The following ZNF644 variants were observed in gnomAD, a reference collection of about 807,000 sequenced individuals.
The protein encoded by ZNF644 is zinc finger motif enhancer binding protein 2.
Under a neutral mutation model 108.0 loss-of-function variants are expected in ZNF644, and 20 were observed. The observed-to-expected ratio is 0.19, with a 90% CI of 0.13 to 0.27. The LOEUF (loss-of-function observed/expected upper bound fraction) is 0.27. Among genes scored for constraint, ZNF644 ranks in the 10% least tolerant of loss-of-function variants. ZNF644 has a pLI of 1.00. For synonymous variants in ZNF644, 542 were observed against 539.1 expected, an observed-to-expected ratio of 1.01 and a Z score of -0.08; for missense variants, 1,338 against 1,548.9, an observed-to-expected ratio of 0.86 and a Z score of 2.29.
At position 90,937,948 on chromosome 1, in the gene ZNF644, T is replaced by A; in HGVS notation, c.3225A>T (p.Pro1075=). The change falls in exon 4 of 6, where the codon CCA becomes CCT. Residue 1075 remains proline, a synonymous_variant. Transcript: ENST00000337393. The part of the protein sequence containing the change: ...GKTKWDAHKS[P]ICVLNEMMQN... ...GCATCATCTCATTCAGAACACAGATTGGAGATTTGTGAGCATCCCATTTCG... is the reference window on the plus strand; with the variant it reads ...GCATCATCTCATTCAGAACACAGATAGGAGATTTGTGAGCATCCCATTTCG... The A allele has an allele frequency of 6.2e-7, 1 of 1,613,362 alleles. No individual in the cohort carries two copies. The highest frequency in any genetic ancestry group is 1.3e-5 in the African/African-American group (1 of 75,014).
chr1:90,991,298 G>A (rs529164100), intron 1 of ZNF644, among the ~76,000 whole-genome samples: 2 of 152,022 alleles, frequency 1.3e-5, no homozygotes, highest in East Asian at 3.9e-4. Flanking sequence ...GTGAACAAGT[G>A]GAGGAACTAA....
At chr1:90,992,415 T>C (rs986309754) in intron 1 of ZNF644, among the ~76,000 whole-genome samples, 24 of 149,716 alleles carry the variant, frequency 1.6e-4, no homozygotes, top group African/African-American at 5.9e-4. Context: ...AAAAAAGATA[T>C]AAATGAATCA....
intron 2 of ZNF644, among the ~76,000 whole-genome samples, chr1:90,967,202 T>C (rs1290021196): frequency 6.6e-6 from 1 of 152,140 alleles, no homozygotes; most frequent in Non-Finnish European, 1.5e-5. Flanking sequence ...CATGTTCCTC[T>C]TCACCATAGG....
At chr1:91,019,297 T>G (rs527465011) in intron 1 of ZNF644, among the ~76,000 whole-genome samples, 16 of 152,316 alleles carry the variant, frequency 1.1e-4, no homozygotes, top group Non-Finnish European at 1.9e-4. Flanking sequence ...TATTACAAAA[T>G]GAAAGACACC....
intron 4 of ZNF644, among the ~76,000 whole-genome samples, chr1:90,931,449 A>G (rs1650718409): frequency 6.6e-6 from 1 of 151,836 alleles, no homozygotes; most frequent in Non-Finnish European, 1.5e-5. Flanking sequence ...TCTGCCTTAA[A>G]TTTACAATAT....
intron 1 of ZNF644, among the ~76,000 whole-genome samples, chr1:91,012,966 G>A (rs577045226): frequency 4.2e-4 from 64 of 152,076 alleles, no homozygotes; most frequent in Non-Finnish European, 7.6e-4. Context: ...TTCCCTAAAT[G>A]AAACACTTTC....
chr1:90,996,033 GCA>G (rs1658113907), intron 1 of ZNF644, among the ~76,000 whole-genome samples: 1 of 152,012 alleles, frequency 6.6e-6, no homozygotes, highest in Non-Finnish European at 1.5e-5. Flanking sequence ...CATAAATACT[GCA>G]CACATTCTTT....
intron 1 of ZNF644, among the ~76,000 whole-genome samples, chr1:91,002,532 G>A (rs530081561): frequency 6.6e-6 from 1 of 152,260 alleles, no homozygotes; most frequent in East Asian, 1.9e-4. Context: ...ATTAATTCAA[G>A]ATGGATTAAA....
At position 90,968,275 on chromosome 1, in the gene ZNF644, G is replaced by A. The variant is rs1413524203; in HGVS notation, c.44+14035C>T. Among the ~76,000 whole-genome samples, 3 of 152,092 alleles carry A rather than the reference G, an allele frequency of 2.0e-5. No individual in the cohort carries two copies. In the East Asian group the frequency reaches 5.8e-4, roughly 29 times the overall value. On this transcript the variant is annotated intron_variant, in intron 2 of 5. Transcript: ENST00000337393. ...GTATGTAAATGTACTGATATGCACT[G>A]AAAACTTAAAAGGCTGCCTATGAGA...
chr1:90,972,533 G>A (rs549214790), intron 2 of ZNF644, among the ~76,000 whole-genome samples: 1 of 152,170 alleles, frequency 6.6e-6, no homozygotes, highest in Non-Finnish European at 1.5e-5. Context: ...GTCAAATGGT[G>A]CAGCCACTAC....
At chr1:90,977,394 C>T (rs554662375) in intron 2 of ZNF644, among the ~76,000 whole-genome samples, 66 of 152,100 alleles carry the variant, frequency 4.3e-4, no homozygotes, top group Non-Finnish European at 5.2e-4. Context: ...GACTGTAATA[C>T]CTAAAACACA....
At chr1:90,965,558 CT>C (rs1654776155) in intron 2 of ZNF644, among the ~76,000 whole-genome samples, 1 of 152,080 alleles carries the variant, frequency 6.6e-6, no homozygotes, top group African/African-American at 2.4e-5. Context: ...CACTACTCTT[CT>C]TTTCTGAAAT....
At chr1:90,922,364 A>G (rs1350706192) in intron 4 of ZNF644, among the ~76,000 whole-genome samples, 1 of 152,102 alleles carries the variant, frequency 6.6e-6, no homozygotes, top group Non-Finnish European at 1.5e-5. Flanking sequence ...GAGGGAAGAA[A>G]ATTTCTTCTC....
rs1053674594 is a variant in ZNF644 at position 90,993,444 on chromosome 1, G to A, written c.-17-11074C>T. Among the ~76,000 whole-genome samples the A allele has an allele frequency of 4.6e-5, 7 of 152,026 alleles. 1 individual carries two copies. The highest frequency in any genetic ancestry group is 6.6e-5 in the Admixed American group (1 of 15,242). ...AATGAGCCCAGTCAAGACCAGAAAC[G>A]CCACCTGGCTGACTCACAGACTTGT... On this transcript the variant is annotated intron_variant, in intron 1 of 5. Transcript: ENST00000337393.
At chr1:90,930,151 T>TTACA (rs1650567379) in intron 4 of ZNF644, among the ~76,000 whole-genome samples, 1 of 152,154 alleles carries the variant, frequency 6.6e-6, no homozygotes, top group South Asian at 2.1e-4. Flanking sequence ...CCGGGCGTGA[T>TTACA]GGCGTGTGCC....
intron 2 of ZNF644, among the ~76,000 whole-genome samples, chr1:90,952,993 G>T (rs1400403679): frequency 2.3e-5 from 3 of 132,218 alleles, no homozygotes; most frequent in Non-Finnish European, 4.8e-5. Flanking sequence ...TACCTATAAA[G>T]AGACAACAAT....
chr1:90,942,332 G>C (rs1652078121), intron 2 of ZNF644, among the ~76,000 whole-genome samples: 1 of 152,106 alleles, frequency 6.6e-6, no homozygotes, highest in Non-Finnish European at 1.5e-5. Flanking sequence ...CAGTATTTCT[G>C]AATGTTTGGG....
At chr1:90,923,409 G>T (rs1649688978) in intron 4 of ZNF644, among the ~76,000 whole-genome samples, 1 of 152,004 alleles carries the variant, frequency 6.6e-6, no homozygotes, top group Admixed American at 6.6e-5. Flanking sequence ...TATTAAAATT[G>T]AAAAGGACTC....
intron 2 of ZNF644, 61 bp downstream of exon 2, chr1:90,982,249 T>C (rs1385983558): frequency 1.1e-5 from 16 of 1,399,002 alleles, no homozygotes; most frequent in Non-Finnish European, 1.4e-5. Context: ...TTTTAAGACA[T>C]AATTTTTTTG....
Sources: gnomAD v4.1 joint callset for allele counts (sites outside exome capture counted in the v4.1 genomes callset) on GRCh38, gnomAD v4.1.1 for gene constraint, MANE v1.5 for transcripts, NCBI Gene and HGNC (gene_info 2026-07-23, HGNC 2026-07-21) for gene names.